PRP4K: variants seen among roughly 807,000 people sequenced by gnomAD.
The protein encoded by PRP4K is serine/threonine-protein kinase PRP4 homolog.
the PRP4K span, chr6:4,049,409 C>G: frequency 2.2e-6 from 1 of 452,594 alleles, no homozygotes. Context: ...TGATCTGAAA[C>G]CAAGAAAAAC....
At chr6:4,038,617 C>T in the PRP4K span, among the ~76,000 whole-genome samples, 1 of 152,102 alleles carries the variant, frequency 6.6e-6, no homozygotes, top group East Asian at 1.9e-4. Context: ...TGCCTAATTT[C>T]ATCACACTTT....
the PRP4K span, chr6:4,051,958 C>A: frequency 2.0e-6 from 3 of 1,532,526 alleles, no homozygotes; most frequent in Non-Finnish European, 2.6e-6. Flanking sequence ...TTATTTTAGG[C>A]AAAAGACTGG....
the PRP4K span, among the ~76,000 whole-genome samples, chr6:4,031,324 A>G: frequency 6.6e-6 from 1 of 152,190 alleles, no homozygotes; most frequent in African/African-American, 2.4e-5. Flanking sequence ...GATTTCCTCT[A>G]ATACTTTTGG....
chr6:4,061,735 A>T, the PRP4K span: 1 of 152,582 alleles, frequency 6.6e-6, no homozygotes, highest in Non-Finnish European at 1.5e-5. Context: ...TCTTTTGTAA[A>T]TGAAGCTTTT....
the PRP4K span, among the ~76,000 whole-genome samples, chr6:4,034,250 T>C: frequency 6.6e-6 from 1 of 152,194 alleles, no homozygotes. Flanking sequence ...ACATATAGAT[T>C]GTTTTTCATT....
At chr6:4,034,322 CT>C in the PRP4K span, among the ~76,000 whole-genome samples, 2 of 152,134 alleles carry the variant, frequency 1.3e-5, no homozygotes, top group Non-Finnish European at 2.9e-5. Flanking sequence ...CCTATTGAAA[CT>C]GATGAAAAAT....
the PRP4K span, among the ~76,000 whole-genome samples, chr6:4,025,919 A>G: frequency 1.3e-5 from 2 of 152,230 alleles, no homozygotes; most frequent in Non-Finnish European, 2.9e-5. Flanking sequence ...TGGAGATAAA[A>G]CTGAGCAAAG....
the PRP4K span, among the ~76,000 whole-genome samples, chr6:4,040,179 C>A: frequency 6.6e-6 from 1 of 151,738 alleles, no homozygotes; most frequent in Non-Finnish European, 1.5e-5. Flanking sequence ...TGCACCCAGC[C>A]CCCAGTTTTT....
At chr6:4,032,862 A>G in the PRP4K span, 1 of 1,225,578 alleles carries the variant, frequency 8.2e-7, no homozygotes, top group Non-Finnish European at 1.1e-6. Context: ...AAAAATAAAA[A>G]TAAATGAAGT....
chr6:4,049,530 T>C, the PRP4K span: 6 of 574,224 alleles, frequency 1.0e-5, no homozygotes, highest in East Asian at 1.1e-4. Flanking sequence ...CAGGAACTCT[T>C]GTAGTGATCT....
the PRP4K span, chr6:4,058,664 A>G: frequency 2.6e-6 from 3 of 1,173,144 alleles, no homozygotes; most frequent in Non-Finnish European, 3.8e-6. Context: ...TTGTATATTA[A>G]TTAAATTGTT....
At chr6:4,024,635 C>T in the PRP4K span, among the ~76,000 whole-genome samples, 2 of 152,050 alleles carry the variant, frequency 1.3e-5, no homozygotes, top group Non-Finnish European at 2.9e-5. Flanking sequence ...GAGACCGAGT[C>T]TCTGTTGCCC....
the PRP4K span, chr6:4,032,458 C>T: frequency 1.9e-5 from 30 of 1,614,064 alleles, no homozygotes; most frequent in Non-Finnish European, 2.3e-5. Flanking sequence ...GAGAGAAAAT[C>T]AAAACGGTCT....
the PRP4K span, among the ~76,000 whole-genome samples, chr6:4,055,032 C>CT: frequency 5.3e-5 from 8 of 152,114 alleles, no homozygotes; most frequent in African/African-American, 1.9e-4. Context: ...AAAAATAGAC[C>CT]TTAATGACGG....
the PRP4K span, among the ~76,000 whole-genome samples, chr6:4,038,982 G>A: frequency 1.1e-3 from 167 of 145,450 alleles, no homozygotes; most frequent in African/African-American, 3.7e-3. Flanking sequence ...ATTGTTCCAC[G>A]TATTAACATT....
At chr6:4,049,317 A>G in the PRP4K span, 11 of 542,462 alleles carry the variant, frequency 2.0e-5, no homozygotes, top group East Asian at 3.4e-4. Flanking sequence ...TAAAGTCTTG[A>G]TGTACAACCT....
the PRP4K span, among the ~76,000 whole-genome samples, chr6:4,053,462 C>T: frequency 1.3e-5 from 2 of 152,284 alleles, no homozygotes; most frequent in African/African-American, 4.8e-5. Context: ...ACCCTCCAGC[C>T]TCTGACGGAC....
At chr6:4,047,310 T>C in the PRP4K span, 6 of 1,271,804 alleles carry the variant, frequency 4.7e-6, no homozygotes, top group Non-Finnish European at 6.8e-6. Flanking sequence ...GGTGCGTATA[T>C]ACATATAGAG....
At chr6:4,056,741 C>T in the PRP4K span, 3 of 1,506,984 alleles carry the variant, frequency 2.0e-6, no homozygotes, top group South Asian at 1.1e-5. Context: ...TTCCTGTTGC[C>T]TTGGTTGAGG....
Sources: gnomAD v4.1 joint callset for allele counts (sites outside exome capture counted in the v4.1 genomes callset) on GRCh38, gnomAD v4.1.1 for gene constraint, MANE v1.5 for transcripts, NCBI Gene and HGNC (gene_info 2026-07-23, HGNC 2026-07-21) for gene names.